PRKN: variants seen among roughly 807,000 people sequenced by gnomAD.
The protein encoded by PRKN is E3 ubiquitin-protein ligase parkin.
In PRKN, 56 loss-of-function variants were observed where a neutral mutation model predicts 59.5. The ratio of observed to expected loss-of-function variants is 0.94; its 90% CI spans 0.76 to 1.18. PRKN has a LOEUF of 1.18. Among genes scored for constraint, PRKN ranks in the 50% most tolerant of loss-of-function variants. PRKN has a pLI of 0.00. For missense variants in PRKN, 657 were observed against 596.4 expected, an observed-to-expected ratio of 1.10 and a Z score of -1.06; for synonymous variants, 250 against 222.1, an observed-to-expected ratio of 1.13 and a Z score of -1.12.
At chr6:162,463,212 G>A (rs1220835360) in intron 1 of PRKN, among the ~76,000 whole-genome samples, 1 of 152,092 alleles carries the variant, frequency 6.6e-6, no homozygotes, top group African/African-American at 2.4e-5. Context: ...ATTAAATGAT[G>A]AGAATGTTCC....
rs567350131 is a variant in PRKN at position 162,629,703 on chromosome 6, T to C, written c.7+97959A>G. 1.1e-4 allele frequency among the ~76,000 whole-genome samples: 17 copies of C among 152,258 alleles called. No homozygotes were observed. The East Asian group carries it at 3.3e-3, about 29-fold the overall frequency. On this transcript the variant is annotated intron_variant, in intron 1 of 11. Coordinates refer to ENST00000366898, the MANE Select transcript of PRKN (RefSeq NM_004562.3). ...AAAATGTTGTAATAACAGTTTCTGA[T>C]ATAGAAAGCAATTAGCTGTTTAAAA...
chr6:161,911,122 A>T (rs1778345626), intron 6 of PRKN, among the ~76,000 whole-genome samples: 1 of 152,142 alleles, frequency 6.6e-6, no homozygotes, highest in Non-Finnish European at 1.5e-5. Flanking sequence ...TTTACTAAGG[A>T]GAATGGTATT....
At chr6:162,286,288 G>GTGTT (rs755392836) in intron 2 of PRKN, among the ~76,000 whole-genome samples, 12 of 151,568 alleles carry the variant, frequency 7.9e-5, no homozygotes, top group South Asian at 4.1e-4. Flanking sequence ...GGATGTTCTT[G>GTGTT]TGTTTGTTTG....
intron 6 of PRKN, among the ~76,000 whole-genome samples, chr6:161,928,776 T>C (rs1379781930): frequency 6.6e-6 from 1 of 152,174 alleles, no homozygotes; most frequent in Admixed American, 6.5e-5. Context: ...CAAGGTCACA[T>C]AAGTCCCAAG....
intron 3 of PRKN, among the ~76,000 whole-genome samples, chr6:162,224,244 T>C (rs976283541): frequency 1.3e-5 from 2 of 152,164 alleles, no homozygotes; most frequent in South Asian, 4.1e-4. Context: ...TATACAGTGG[T>C]AGTTTTATAA....
At chr6:162,325,604 G>A (rs1783233226) in intron 2 of PRKN, among the ~76,000 whole-genome samples, 1 of 152,102 alleles carries the variant, frequency 6.6e-6, no homozygotes, top group Non-Finnish European at 1.5e-5. Flanking sequence ...AACTAAGTCT[G>A]CAGCACAGTC....
Position 161,457,061 on chromosome 6 carries a change from T to C in PRKN, c.1084-70184A>G, listed in dbSNP as rs1790002536. Among the ~76,000 whole-genome samples, 1 of 152,180 alleles carries C rather than the reference T, an allele frequency of 6.6e-6. No individual in the cohort carries two copies. Among genetic ancestry groups the C allele is most frequent in the Non-Finnish European group, 1.5e-5 (1 of 68,042 alleles). ...AGCAAGGCTGAATAGTCCAACTTCC[T>C]CCTTTAACAAATATCCACTGAGCGT... On this transcript the variant is annotated intron_variant, in intron 9 of 11. Transcript: ENST00000366898. This position sits in a 1 kb window ranked among gnomAD's most constrained non-coding sequence, Gnocchi z 5.0.
chr6:162,298,918 G>T (rs1402532708), intron 2 of PRKN, among the ~76,000 whole-genome samples: 1 of 152,166 alleles, frequency 6.6e-6, no homozygotes, highest in Admixed American at 6.5e-5. Context: ...TGATGTGGGA[G>T]CAGAAGAGAT....
chr6:161,913,383 C>T (rs1433191283), intron 6 of PRKN, among the ~76,000 whole-genome samples: 1 of 152,016 alleles, frequency 6.6e-6, no homozygotes, highest in Non-Finnish European at 1.5e-5. Flanking sequence ...AAACTTACTG[C>T]AAAGAACAAA....
intron 1 of PRKN, among the ~76,000 whole-genome samples, chr6:162,545,797 G>C (rs1161940983): frequency 6.6e-6 from 1 of 152,026 alleles, no homozygotes; most frequent in African/African-American, 2.4e-5. Context: ...AAAATTAATA[G>C]AGAAAATAAG....
chr6:161,354,197 C>G lies in PRKN; in HGVS notation c.1286-3986G>C, dbSNP rs2114841100. 6.6e-6 allele frequency among the ~76,000 whole-genome samples: 1 copy of G among 152,278 alleles called. No homozygotes were observed. The highest frequency in any genetic ancestry group is 2.1e-4 in the South Asian group (1 of 4,822). ...GCTTAATATACACAAGGCCATAGAG[C>G]TAGACCCAGGCCATGGAGGAGCATG... is the stretch of plus-strand genomic sequence containing the variant. On this transcript the variant is annotated intron_variant, in intron 11 of 11. Transcript: ENST00000366898. The surrounding 1 kb of genome is among the most constrained non-coding windows in gnomAD (Gnocchi z 6.7).
intron 6 of PRKN, among the ~76,000 whole-genome samples, chr6:161,812,399 A>G (rs1414886405): frequency 2.0e-5 from 3 of 151,934 alleles, no homozygotes; most frequent in Non-Finnish European, 2.9e-5. Flanking sequence ...CAAAAGGGGG[A>G]AAAAAAACTT....
intron 7 of PRKN, among the ~76,000 whole-genome samples, chr6:161,724,047 C>G (rs1467271340): frequency 6.6e-6 from 1 of 152,166 alleles, no homozygotes; most frequent in African/African-American, 2.4e-5. Context: ...GATGTTTCAG[C>G]AACATTTCTC....
chr6:161,731,730 A>G (rs1391543293), intron 7 of PRKN, among the ~76,000 whole-genome samples: 1 of 152,222 alleles, frequency 6.6e-6, no homozygotes, highest in Non-Finnish European at 1.5e-5. Context: ...ACTGAAGAAG[A>G]CAGAGAAATG....
rs1193880646 is a variant in PRKN, at chr6:161,445,432, A to C, written c.1084-58555T>G. Among the ~76,000 whole-genome samples, 1 of 151,948 alleles carries C rather than the reference A, an allele frequency of 6.6e-6. No individual in the cohort carries two copies. Among genetic ancestry groups the C allele is most frequent in the Non-Finnish European group, 1.5e-5 (1 of 67,976 alleles). On this transcript the variant is annotated intron_variant, in intron 9 of 11. Transcript: ENST00000366898. The surrounding 1 kb of genome is among the most constrained non-coding windows in gnomAD (Gnocchi z 7.7). ...TCAGAGGAGCTGAGAGCTGAGGCCC[A>C]CCCTCCCCTTTCTCCTACACATGGA...
At chr6:162,042,394 C>T (rs1448775294) in intron 5 of PRKN, among the ~76,000 whole-genome samples, 1 of 151,986 alleles carries the variant, frequency 6.6e-6, no homozygotes, top group Non-Finnish European at 1.5e-5. Flanking sequence ...GGGGCTAAAG[C>T]AATCCTCCCA....
At chr6:161,886,758 A>ATAG (rs1554241171) in intron 6 of PRKN, among the ~76,000 whole-genome samples, 1 of 149,056 alleles carries the variant, frequency 6.7e-6, no homozygotes, top group East Asian at 1.9e-4. Flanking sequence ...AAATAAAAAA[A>ATAG]AATAAAATAA....
chr6:162,697,724 T>C (rs1286511497), intron 1 of PRKN, among the ~76,000 whole-genome samples: 2 of 152,216 alleles, frequency 1.3e-5, no homozygotes, highest in East Asian at 3.8e-4. Flanking sequence ...TAAATACATT[T>C]ATGGAAACAA....
At chr6:162,218,935 A>G (rs1438377306) in intron 3 of PRKN, among the ~76,000 whole-genome samples, 1 of 152,172 alleles carries the variant, frequency 6.6e-6, no homozygotes, top group Non-Finnish European at 1.5e-5. Context: ...GCACTTTGAG[A>G]GGCCAAGAAA....
Sources: gnomAD v4.1 joint callset for allele counts (sites outside exome capture counted in the v4.1 genomes callset) on GRCh38, gnomAD v4.1.1 for gene constraint, Gnocchi (gnomAD v3.1) non-coding constraint, MANE v1.5 for transcripts, NCBI Gene and HGNC (gene_info 2026-07-23, HGNC 2026-07-21) for gene names.